Variants in TSHZ2 observed in about 807,000 individuals in gnomAD.
TSHZ2 encodes the protein teashirt zinc finger homeobox 2, also known as teashirt homolog 2.
In TSHZ2, 21 loss-of-function variants were observed where a neutral mutation model predicts 74.4. The ratio of observed to expected loss-of-function variants is 0.28; its 90% CI spans 0.20 to 0.41. TSHZ2 has a LOEUF of 0.41. TSHZ2 is among the 10% of genes least tolerant of loss of function. The pLI is 1.00. For missense variants in TSHZ2, 1,244 were observed against 1,293.5 expected, an observed-to-expected ratio of 0.96 and a Z score of 0.59; for synonymous variants, 540 against 515.3, an observed-to-expected ratio of 1.05 and a Z score of -0.65.
intron 2 of TSHZ2, among the ~76,000 whole-genome samples, chr20:53,340,777 CTCT>C (rs749360459): frequency 1.3e-5 from 2 of 152,180 alleles, no homozygotes; most frequent in Non-Finnish European, 2.9e-5. Context: ...CTCTCTTTCT[CTCT>C]TCTTTGTCTT....
chr20:53,435,453 T>A (rs764992125), intron 2 of TSHZ2, among the ~76,000 whole-genome samples: 2 of 152,178 alleles, frequency 1.3e-5, no homozygotes, highest in Admixed American at 1.3e-4. Context: ...TGAAAACGTA[T>A]CTATGTGAAA....
chr20:53,165,657 T>G (rs1365953304), intron 1 of TSHZ2, among the ~76,000 whole-genome samples: 1 of 152,230 alleles, frequency 6.6e-6, no homozygotes, highest in East Asian at 1.9e-4. Context: ...TTAAAACCTG[T>G]CTTGCCCAAT....
chr20:53,006,808 G>C (rs1372785535), intron 1 of TSHZ2, among the ~76,000 whole-genome samples: 2 of 152,060 alleles, frequency 1.3e-5, no homozygotes, highest in African/African-American at 2.4e-5. Context: ...ATATTAATCT[G>C]TCATGTTGGG....
chr20:53,115,736 G>A (rs1986651118), intron 1 of TSHZ2, among the ~76,000 whole-genome samples: 1 of 152,160 alleles, frequency 6.6e-6, no homozygotes, highest in African/African-American at 2.4e-5. Context: ...GCAAAACAAG[G>A]TGAGAGAATG....
intron 2 of TSHZ2, among the ~76,000 whole-genome samples, chr20:53,371,079 C>T (rs975131496): frequency 1.3e-5 from 2 of 152,154 alleles, no homozygotes; most frequent in African/African-American, 4.8e-5. Flanking sequence ...CCATGGGTCT[C>T]CGTCCTCTCT....
chr20:53,063,293 C>A (rs1311828480), intron 1 of TSHZ2, among the ~76,000 whole-genome samples: 3 of 152,082 alleles, frequency 2.0e-5, no homozygotes, highest in Non-Finnish European at 4.4e-5. Flanking sequence ...GCACATTAAA[C>A]CAAGCATGCC....
intron 1 of TSHZ2, among the ~76,000 whole-genome samples, chr20:53,143,416 G>A (rs1407186569): frequency 1.3e-5 from 2 of 152,142 alleles, no homozygotes; most frequent in Non-Finnish European, 2.9e-5. Flanking sequence ...GTAATAGGCC[G>A]GGCGCGGTGG....
At chr20:53,200,150 C>G (rs917249337) in intron 1 of TSHZ2, among the ~76,000 whole-genome samples, 3 of 152,112 alleles carry the variant, frequency 2.0e-5, no homozygotes, top group Non-Finnish European at 4.4e-5. Context: ...CAATGGATGG[C>G]GAGGAAGAGC....
intron 2 of TSHZ2, among the ~76,000 whole-genome samples, chr20:53,371,038 A>G (rs1981450276): frequency 6.6e-6 from 1 of 152,180 alleles, no homozygotes; most frequent in South Asian, 2.1e-4. Flanking sequence ...GCATCGCTCC[A>G]GCTTCTGCTT....
chr20:53,297,556 A>G (rs570433146), intron 2 of TSHZ2, among the ~76,000 whole-genome samples: 1 of 152,360 alleles, frequency 6.6e-6, no homozygotes, highest in East Asian at 1.9e-4. Flanking sequence ...GCACCTGGCC[A>G]TAGAGACTTG....
intron 1 of TSHZ2, among the ~76,000 whole-genome samples, chr20:53,140,748 CA>C (rs1987376490): frequency 6.6e-6 from 1 of 152,166 alleles, no homozygotes; most frequent in Non-Finnish European, 1.5e-5. Flanking sequence ...TACCACTCCT[CA>C]GGCTTCCCAG....
intron 1 of TSHZ2, among the ~76,000 whole-genome samples, chr20:53,004,429 G>A (rs759540845): frequency 2.0e-5 from 3 of 152,210 alleles, no homozygotes; most frequent in Admixed American, 6.5e-5. Flanking sequence ...GACCATGTGC[G>A]AAAGACCAGA....
intron 2 of TSHZ2, among the ~76,000 whole-genome samples, chr20:53,473,841 G>C (rs980414942): frequency 3.3e-5 from 5 of 152,180 alleles, no homozygotes; most frequent in African/African-American, 1.2e-4. Flanking sequence ...AACCAAGGCT[G>C]GAGAACTACG....
Position 53,253,842 on chromosome 20 carries a change from C to T in TSHZ2, c.384C>T (p.Val128=), listed in dbSNP as rs141908704. The change falls in exon 2 of 3, where the codon GTC becomes GTT. Residue 128 remains valine, a synonymous_variant. Coordinates refer to ENST00000371497, the MANE Select transcript of TSHZ2 (RefSeq NM_173485.6). ...ATTGCATGGATAAAATGACCGCTGT[C>T]TACGCCAACATCCTGTCGGATTCCT... is the stretch of plus-strand genomic sequence containing the variant. ...AHNCMDKMTA[V]YANILSDSYW... The T allele has an allele frequency of 3.7e-6, 6 of 1,614,124 alleles. No homozygotes were observed. The African/African-American group carries it at 8.0e-5, about 22-fold the overall frequency.
intron 1 of TSHZ2, chr20:53,208,640 T>G (rs1989230925): frequency 6.6e-6 from 1 of 152,176 alleles, no homozygotes; most frequent in South Asian, 2.1e-4. Context: ...CTTTCTCATT[T>G]AAGGTCGCCA....
intron 2 of TSHZ2, among the ~76,000 whole-genome samples, chr20:53,287,592 T>G (rs1991193461): frequency 6.6e-6 from 1 of 152,158 alleles, no homozygotes; most frequent in African/African-American, 2.4e-5. Context: ...GAAGAGGAAG[T>G]GTTGCTTGAC....
chr20:53,307,727 G>T (rs1423804928), intron 2 of TSHZ2, among the ~76,000 whole-genome samples: 3 of 152,114 alleles, frequency 2.0e-5, no homozygotes, highest in African/African-American at 7.2e-5. Context: ...TTAACCACCC[G>T]CCAGATCAAA....
At chr20:53,180,780 TATAAA>T (rs909863461) in intron 1 of TSHZ2, among the ~76,000 whole-genome samples, 22 of 152,234 alleles carry the variant, frequency 1.4e-4, no homozygotes, top group East Asian at 3.9e-4. Flanking sequence ...TTAAAAAAAT[TATAAA>T]ATAAAATGAA....
intron 2 of TSHZ2, among the ~76,000 whole-genome samples, chr20:53,438,731 C>G (rs1361716344): frequency 6.6e-6 from 1 of 152,122 alleles, no homozygotes; most frequent in Non-Finnish European, 1.5e-5. Context: ...GAGGCCAAGG[C>G]AGGTGGATCA....
Sources: gnomAD v4.1 joint callset for allele counts (sites outside exome capture counted in the v4.1 genomes callset) on GRCh38, gnomAD v4.1.1 for gene constraint, MANE v1.5 for transcripts, NCBI Gene and HGNC (gene_info 2026-07-23, HGNC 2026-07-21) for gene names.